Variants in SMARCA5 observed in about 807,000 individuals in gnomAD.
SMARCA5 encodes SWI/SNF-related matrix-associated actin-dependent regulator of chromatin subfamily A member 5.
Under a neutral mutation model 140.4 loss-of-function variants are expected in SMARCA5, and 18 were observed. The observed-to-expected ratio is 0.13, with a 90% CI of 0.09 to 0.19. The LOEUF (loss-of-function observed/expected upper bound fraction) is 0.19. Ranked by LOEUF, SMARCA5 falls within the 10% of genes least tolerant of loss-of-function variation. The pLI is 1.00. For synonymous variants in SMARCA5, 449 were observed against 419.6 expected, an observed-to-expected ratio of 1.07 and a Z score of -0.86; for missense variants, 606 against 1,276.8, an observed-to-expected ratio of 0.47 and a Z score of 8.01.
At chr4:143,534,154 TTG>T (rs1737255945) in intron 9 of SMARCA5, among the ~76,000 whole-genome samples, 1 of 152,040 alleles carries the variant, frequency 6.6e-6, no homozygotes, top group Non-Finnish European at 1.5e-5. Context: ...GGTGTGTACG[TTG>T]TTTTTTTTTT....
At chr4:143,539,409 C>T (rs1312010113) in intron 13 of SMARCA5, among the ~76,000 whole-genome samples, 1 of 152,116 alleles carries the variant, frequency 6.6e-6, no homozygotes, top group Non-Finnish European at 1.5e-5. Context: ...AAAAGAACAC[C>T]TGTGTGAGAG....
At position 143,530,526 on chromosome 4, in the gene SMARCA5, G is replaced by A; in HGVS notation, c.1158G>A (p.Met386Ile). 6.2e-7 allele frequency: 1 copy of A among 1,604,554 alleles called. No individual in the cohort carries two copies. Among genetic ancestry groups the A allele is most frequent in the Non-Finnish European group, 8.5e-7 (1 of 1,172,620 alleles). ...GDQKLVERLH[M>I]VLRPFLLRRI... ...AAAAACTAGTTGAGAGGCTTCATAT[G>A]GTAAGTATTTTGGAGTAGTGTTAAA... Residue 386 changes from methionine (M) to isoleucine (I), a missense_variant and splice_region_variant, in exon 9 of 24, where the codon ATG becomes ATA. Met to Ile is a conservative substitution (Grantham distance 10). This residue lies in a region of SMARCA5 where 15 missense variants were observed against 27.4 expected (regional missense o/e 0.55). Coordinates refer to ENST00000283131, the MANE Select transcript of SMARCA5 (RefSeq NM_003601.4).
At position 143,514,029 on chromosome 4, in the gene SMARCA5, C is replaced by T. The variant is rs756340740; in HGVS notation, c.105C>T (p.Gly35=). The change falls in exon 1 of 24, where the codon GGC becomes GGT. Residue 35 remains glycine (G), a synonymous_variant. Coordinates refer to ENST00000283131, the MANE Select transcript of SMARCA5 (RefSeq NM_003601.4). ...ASGGSNSSNK[G]GPEGVAAQAV... is the part of the protein sequence containing the mutation. ...GCGGGAGCAACAGCAGCAACAAAGGCGGCCCCGAAGGCGTCGCGGCGCAGG... is the reference window on the plus strand; with the variant it reads ...GCGGGAGCAACAGCAGCAACAAAGGTGGCCCCGAAGGCGTCGCGGCGCAGG... The T allele has an allele frequency of 6.4e-7, 1 of 1,553,584 alleles. No individual in the cohort carries two copies. Among genetic ancestry groups the T allele is most frequent in the Non-Finnish European group, 8.6e-7 (1 of 1,157,438 alleles).
At chr4:143,525,931 G>A (rs1279793093) in intron 5 of SMARCA5, among the ~76,000 whole-genome samples, 1 of 152,164 alleles carries the variant, frequency 6.6e-6, no homozygotes, top group East Asian at 1.9e-4. Flanking sequence ...TACTAGTTAT[G>A]TAATGAATGT....
chr4:143,543,783 A>G, intron 15 of SMARCA5, 70 bp from the exon 16 acceptor site: 1 of 1,550,084 alleles, frequency 6.5e-7, no homozygotes, highest in Non-Finnish European at 8.7e-7. Context: ...CGTGAAGTTA[A>G]TTTATTTTGA....
In SMARCA5 at chr4:143,554,276, A is replaced by G. The variant is rs547875132; in HGVS notation, c.*1092A>G. 1 of 152,278 alleles carries G rather than the reference A, an allele frequency of 6.6e-6. No individual in the cohort carries two copies. Among genetic ancestry groups the G allele is most frequent in the South Asian group, 2.1e-4 (1 of 4,832 alleles). The allele number at this position is 152,278 out of a possible 1,614,324, so 9.4% of individuals were successfully genotyped here. A position where few individuals can be genotyped will look rare whatever the true frequency, so the allele number is the denominator to read the frequency against. On this transcript the variant is annotated 3_prime_UTR_variant, in exon 24 of 24. Transcript: ENST00000283131. ...CTACACATAATTTGTATAAAATTTT[A>G]TATGTGCAGATTGGGTACATAAACA...
chr4:143,537,661 C>G (rs991859846), intron 11 of SMARCA5, among the ~76,000 whole-genome samples: 1 of 151,894 alleles, frequency 6.6e-6, no homozygotes, highest in African/African-American at 2.4e-5. Context: ...GTCTCATGTC[C>G]CAGCACTTTT....
In SMARCA5 at chr4:143,553,277, T is replaced by G; in HGVS notation, c.*93T>G. 2.3e-6 allele frequency: 2 copies of G among 867,548 alleles called. No homozygotes were observed. The highest frequency in any genetic ancestry group is 3.9e-6 in the Non-Finnish European group (2 of 515,694). The allele number at this position is 867,548 out of a possible 1,614,324, so 53.7% of individuals were successfully genotyped here. ...TGTACTGTACAATGCTCAATTGTTA[T>G]GTCATTTAAAGACATCAGGTTCATC... On this transcript the variant is annotated 3_prime_UTR_variant, in exon 24 of 24. Coordinates refer to ENST00000283131, the MANE Select transcript of SMARCA5 (RefSeq NM_003601.4).
At chr4:143,519,885 A>C (rs891692965) in intron 2 of SMARCA5, among the ~76,000 whole-genome samples, 3 of 151,988 alleles carry the variant, frequency 2.0e-5, no homozygotes, top group African/African-American at 7.2e-5. Flanking sequence ...CCATGCCCTC[A>C]TTTCCAATCT....
At position 143,556,061 on chromosome 4, in the gene SMARCA5, A is replaced by G. The variant is rs982196567; in HGVS notation, c.*2877A>G. ...TTGAGCATCCCTAATCAAAAAATCTAAAATCAGAAATGCTCCATAATTTGA... is the reference window on the plus strand; with the variant it reads ...TTGAGCATCCCTAATCAAAAAATCTGAAATCAGAAATGCTCCATAATTTGA... On this transcript the variant is annotated 3_prime_UTR_variant, in exon 24 of 24. Transcript: ENST00000283131. 1 of 152,236 alleles carries G rather than the reference A, an allele frequency of 6.6e-6. No individual in the cohort carries two copies. The highest frequency in any genetic ancestry group is 2.4e-5 in the African/African-American group (1 of 41,456). 9.4% of individuals were successfully genotyped at this position (152,236 alleles called of 1,614,324 possible). A position where few individuals can be genotyped will look rare whatever the true frequency, so the allele number is the denominator to read the frequency against.
chr4:143,514,189 C>T, intron 1 of SMARCA5, 88 bp downstream of exon 1: 1 of 1,245,370 alleles, frequency 8.0e-7, no homozygotes, highest in Non-Finnish European at 1.1e-6. Context: ...GACGCAGAGC[C>T]GGGTTTCTCT....
intron 9 of SMARCA5, among the ~76,000 whole-genome samples, chr4:143,534,090 A>G (rs1400963131): frequency 6.6e-6 from 1 of 152,100 alleles, no homozygotes; most frequent in Admixed American, 6.6e-5. Context: ...GCAGTAATGT[A>G]TTGCTTTAAA....
At chr4:143,519,314 A>G (rs768761769) in intron 2 of SMARCA5, among the ~76,000 whole-genome samples, 17 of 152,152 alleles carry the variant, frequency 1.1e-4, no homozygotes, top group Non-Finnish European at 1.8e-4. Flanking sequence ...CTTGTAAACA[A>G]TAAGTTTACT....
intron 3 of SMARCA5, among the ~76,000 whole-genome samples, chr4:143,521,893 CAAAAAAAAAAAAAA>C (rs58679947): frequency 4.5e-5 from 2 of 44,808 alleles, no homozygotes; most frequent in Non-Finnish European, 8.7e-5. Flanking sequence ...CCCATCTCTA[CAAAAAAAAAAAAAA>C]AAAAAAAAAA....
chr4:143,549,883 A>T, intron 22 of SMARCA5, 114 bp from the exon 23 acceptor site: 1 of 438,328 alleles, frequency 2.3e-6, no homozygotes, highest in Non-Finnish European at 4.2e-6. Context: ...TTTTTAAATC[A>T]GGGGTGTATT....
Position 143,546,729 on chromosome 4 carries a change from A to G in SMARCA5, c.2521-47A>G, listed in dbSNP as rs753254214. 1.0e-5 allele frequency: 16 copies of G among 1,550,082 alleles called. No homozygotes were observed. In the East Asian group the frequency reaches 1.1e-4, roughly 11 times the overall value. ...AAGGTTTGCTAATAGCATGTTTTCC[A>G]AGTTTAATGTGCTGTGATTAAATAT... On this transcript the variant is annotated intron_variant, in intron 19 of 23. Coordinates refer to ENST00000283131, the MANE Select transcript of SMARCA5 (RefSeq NM_003601.4).
At chr4:143,531,306 C>T (rs867586847) in intron 9 of SMARCA5, among the ~76,000 whole-genome samples, 3 of 152,152 alleles carry the variant, frequency 2.0e-5, no homozygotes, top group African/African-American at 7.2e-5. Context: ...AGCTTTGTTT[C>T]TACATACAGC....
chr4:143,543,621 A>T lies in SMARCA5; in HGVS notation c.2016A>T (p.Glu672Asp). The T allele has an allele frequency of 6.2e-7, 1 of 1,613,122 alleles. No individual in the cohort carries two copies. Among genetic ancestry groups the T allele is most frequent in the African/African-American group, 1.3e-5 (1 of 75,024 alleles). The change falls in exon 15 of 24, where the codon GAA becomes GAT. Residue 672 changes from glutamate to aspartate, a missense_variant. Around this residue, in one of 10 missense-constraint regions of SMARCA5, gnomAD observed 62 missense variants for 256.6 expected, o/e 0.24. Coordinates refer to ENST00000283131, the MANE Select transcript of SMARCA5 (RefSeq NM_003601.4). ...CAAAGGAAAGTGAGATCACTGATGA[A>T]GATATCGATGGTATTTTGGAAAGAG... ...FASKESEITD[E>D]DIDGILERGA...
intron 1 of SMARCA5, among the ~76,000 whole-genome samples, chr4:143,516,250 A>C (rs957929123): frequency 1.1e-4 from 17 of 149,568 alleles, no homozygotes; most frequent in African/African-American, 4.2e-4. Context: ...ATTTTCCCAG[A>C]AATAGCCTTC....
Sources: gnomAD v4.1 joint callset for allele counts (sites outside exome capture counted in the v4.1 genomes callset) on GRCh38, gnomAD v4.1.1 for gene constraint, gnomAD v4.1.1 regional missense constraint, MANE v1.5 for transcripts, NCBI Gene and HGNC (gene_info 2026-07-23, HGNC 2026-07-21) for gene names.